Variants in BCAR3 observed in about 807,000 individuals in gnomAD.
The protein encoded by BCAR3 is BCAR3 adaptor protein, NSP family member, also known as breast cancer anti-estrogen resistance protein 3.
BCAR3 carries 37 observed loss-of-function variants against 80.1 expected under a neutral mutation model. The ratio of observed to expected loss-of-function variants is 0.46; its 90% confidence interval spans 0.36 to 0.61. BCAR3 has a LOEUF of 0.61. Among genes scored for constraint, BCAR3 ranks in the 20% least tolerant of loss-of-function variants. The probability of loss-of-function intolerance (pLI) is 0.00; values close to 1 mark genes in which losing one functional copy is unlikely to be tolerated. For missense variants in BCAR3, 978 were observed against 1,068.2 expected (o/e 0.92, Z 1.18); for synonymous variants, 389 against 418.9 (o/e 0.93, Z 0.87).
At chr1:93,600,754 C>G (rs984962970) in intron 3 of BCAR3, 1 of 152,304 alleles carries the variant, frequency 6.6e-6, no homozygotes, top group Non-Finnish European at 1.5e-5. Flanking sequence ...AGTGACACAT[C>G]TGTAGAGGTA....
intron 2 of BCAR3, among the ~76,000 whole-genome samples, chr1:93,805,669 C>G (rs1443035378): frequency 6.6e-6 from 1 of 152,206 alleles, no homozygotes. Context: ...GATTTTCTAT[C>G]AGCCTCCTTA....
chr1:93,642,635 A>T (rs940947114), intron 2 of BCAR3, among the ~76,000 whole-genome samples: 19 of 152,226 alleles, frequency 1.2e-4, no homozygotes, highest in Admixed American at 1.1e-3. Context: ...TGAAGCATAG[A>T]GCTCAGGGGA....
intron 2 of BCAR3, among the ~76,000 whole-genome samples, chr1:93,777,907 T>C (rs1198655037): frequency 6.6e-6 from 1 of 152,248 alleles, no homozygotes; most frequent in African/African-American, 2.4e-5. Context: ...ATGGTCTTTA[T>C]TTTTCTTTTT....
intron 2 of BCAR3, among the ~76,000 whole-genome samples, chr1:93,829,997 C>T (rs1251854530): frequency 6.6e-6 from 1 of 152,122 alleles, no homozygotes; most frequent in East Asian, 1.9e-4. Flanking sequence ...AGCTCCTCCC[C>T]ACTCACTCTC....
chr1:93,626,201 G>A (rs1675452332), intron 3 of BCAR3, among the ~76,000 whole-genome samples: 1 of 152,252 alleles, frequency 6.6e-6, no homozygotes, highest in Admixed American at 6.5e-5. Flanking sequence ...TTACTTCAAG[G>A]ATTGACTCTC....
intron 8 of BCAR3, among the ~76,000 whole-genome samples, chr1:93,574,395 T>TAAAC (rs1460763477): frequency 2.0e-5 from 3 of 152,154 alleles, no homozygotes; most frequent in Non-Finnish European, 4.4e-5. Context: ...CTTTATTTAA[T>TAAAC]AAACACATTG....
chr1:93,562,882 C>G (rs1672759599), intron 11 of BCAR3, among the ~76,000 whole-genome samples: 1 of 151,692 alleles, frequency 6.6e-6, no homozygotes, highest in African/African-American at 2.4e-5. Context: ...AATATAGGAT[C>G]TGTTCTATAT....
At chr1:93,735,230 T>C (rs1196645345) in intron 2 of BCAR3, among the ~76,000 whole-genome samples, 7 of 152,114 alleles carry the variant, frequency 4.6e-5, no homozygotes, top group Admixed American at 3.3e-4. Flanking sequence ...GACCTCAGTG[T>C]CAAAAGCTGA....
chr1:93,699,825 GCA>G (rs144302941), intron 3 of BCAR3, among the ~76,000 whole-genome samples: 4,383 of 150,346 alleles, frequency 0.029, 63 homozygotes, highest in African/African-American at 0.036. Flanking sequence ...ACACACAGGT[GCA>G]CACACACACA....
intron 3 of BCAR3, among the ~76,000 whole-genome samples, chr1:93,630,303 T>C (rs1215755177): frequency 2.6e-5 from 4 of 152,128 alleles, no homozygotes; most frequent in Admixed American, 1.3e-4. Context: ...AGGACTCACA[T>C]GCTAGTGAGA....
intron 2 of BCAR3, among the ~76,000 whole-genome samples, chr1:93,809,999 G>A (rs1191550542): frequency 6.6e-6 from 1 of 151,646 alleles, no homozygotes; most frequent in African/African-American, 2.4e-5. Flanking sequence ...TCAGGAGTTC[G>A]AGACCAGCCT....
intron 3 of BCAR3, among the ~76,000 whole-genome samples, chr1:93,705,392 G>C (rs2101975899): frequency 6.6e-6 from 1 of 152,260 alleles, no homozygotes; most frequent in South Asian, 2.1e-4. Context: ...GAGAGAGCAG[G>C]AATGTTATGC....
intron 2 of BCAR3, among the ~76,000 whole-genome samples, chr1:93,747,899 T>C (rs942198298): frequency 1.7e-4 from 21 of 125,938 alleles, no homozygotes; most frequent in Admixed American, 1.2e-3. Context: ...ACTATGATCC[T>C]GGAGAGTCCT....
intron 2 of BCAR3, among the ~76,000 whole-genome samples, chr1:93,776,293 C>T (rs796289907): frequency 1.3e-5 from 2 of 152,072 alleles, no homozygotes; most frequent in South Asian, 4.2e-4. Flanking sequence ...ACCCCCATGT[C>T]CCCACCACCA....
chr1:93,656,431 C>A (rs1271238622), intron 2 of BCAR3, among the ~76,000 whole-genome samples: 1 of 151,792 alleles, frequency 6.6e-6, no homozygotes, highest in East Asian at 1.9e-4. Flanking sequence ...TATTATTTAA[C>A]CTAGCCATTG....
intron 10 of BCAR3, 63 bp from the exon 11 acceptor site, chr1:93,567,554 G>A (rs1673007614): frequency 6.4e-7 from 1 of 1,558,890 alleles, no homozygotes. Context: ...ACAGAATGAG[G>A]TGACTCATAG....
At chr1:93,765,360 C>T (rs752232873) in intron 2 of BCAR3, among the ~76,000 whole-genome samples, 1 of 152,212 alleles carries the variant, frequency 6.6e-6, no homozygotes, top group Non-Finnish European at 1.5e-5. Context: ...ATACTACCTA[C>T]TGAGACTACA....
At chr1:93,807,948 G>C (rs1653709189) in intron 2 of BCAR3, among the ~76,000 whole-genome samples, 2 of 151,628 alleles carry the variant, frequency 1.3e-5, no homozygotes, top group African/African-American at 4.8e-5. Context: ...TTGGGTGTCT[G>C]AGGTGGGAGG....
intron 1 of BCAR3, among the ~76,000 whole-genome samples, chr1:93,678,071 A>C (rs1047476396): frequency 1.3e-5 from 2 of 152,186 alleles, no homozygotes; most frequent in Non-Finnish European, 2.9e-5. Context: ...ATTGGTTCTC[A>C]ACCTGGCTAC....
Sources: gnomAD v4.1 joint callset for allele counts (sites outside exome capture counted in the v4.1 genomes callset) on GRCh38, gnomAD v4.1.1 for gene constraint, MANE v1.5 for transcripts, NCBI Gene and HGNC (gene_info 2026-07-23, HGNC 2026-07-21) for gene names.